The following FGF14 variants were observed in gnomAD, a reference collection of about 807,000 sequenced individuals.
FGF14 encodes fibroblast growth factor homologous factor 4.
FGF14 carries 5 observed loss-of-function variants against 25.5 expected under a neutral mutation model. That is an observed-to-expected ratio of 0.20 (90% CI 0.10 to 0.41). The LOEUF (loss-of-function observed/expected upper bound fraction) is 0.41. FGF14 is among the 10% of genes least tolerant of loss of function. FGF14 has a pLI of 1.00. For synonymous variants in FGF14, 138 were observed against 118.3 expected (o/e 1.17, Z -1.08); for missense variants, 222 against 320.1 (o/e 0.69, Z 2.34).
At chr13:102,207,145 T>C (rs1417910927) in intron 1 of FGF14, among the ~76,000 whole-genome samples, 4 of 151,894 alleles carry the variant, frequency 2.6e-5, no homozygotes, top group Non-Finnish European at 5.9e-5. Flanking sequence ...CCAGGCATGG[T>C]GGCACATGCC....
intron 3 of FGF14, among the ~76,000 whole-genome samples, chr13:101,734,522 TATAA>T (rs1324419109): frequency 6.6e-6 from 1 of 152,214 alleles, no homozygotes; most frequent in Non-Finnish European, 1.5e-5. Flanking sequence ...GCACCAGTGC[TATAA>T]ATATTAGCCA....
At chr13:101,917,168 G>A (rs1194771077), upstream of FGF14, among the ~76,000 whole-genome samples, 2 of 151,584 alleles carry the variant, frequency 1.3e-5, no homozygotes, top group African/African-American at 2.4e-5. Context: ...CCGCGGGCCG[G>A]TGCCGCCGCC....
At chr13:102,012,542 G>A (rs751524350) in intron 1 of FGF14, among the ~76,000 whole-genome samples, 19 of 152,182 alleles carry the variant, frequency 1.2e-4, no homozygotes, top group Non-Finnish European at 2.2e-4. Flanking sequence ...AGACAAACAT[G>A]AGGCAGCTGA....
At chr13:102,188,603 T>C (rs2048965132) in intron 1 of FGF14, among the ~76,000 whole-genome samples, 1 of 152,144 alleles carries the variant, frequency 6.6e-6, no homozygotes, top group Non-Finnish European at 1.5e-5. Context: ...ATTTTTATTA[T>C]AATTACTACT....
chr13:101,908,753 G>A (rs545821075), intron 1 of FGF14, among the ~76,000 whole-genome samples: 7 of 152,160 alleles, frequency 4.6e-5, no homozygotes, highest in East Asian at 1.9e-4. Context: ...TAAAGTTCAT[G>A]TGGAACCAAA....
intron 3 of FGF14, among the ~76,000 whole-genome samples, chr13:101,728,889 T>A (rs1194836142): frequency 6.6e-6 from 1 of 152,128 alleles, no homozygotes. Context: ...TCTCTTCTGA[T>A]CGTCACTGCC....
chr13:102,240,320 A>G (rs976714457), intron 1 of FGF14, among the ~76,000 whole-genome samples: 2 of 152,086 alleles, frequency 1.3e-5, no homozygotes, highest in African/African-American at 4.8e-5. Flanking sequence ...TATCTTTGCT[A>G]CTCCCTGCTC....
At chr13:102,219,996 C>T (rs1455146510) in intron 1 of FGF14, among the ~76,000 whole-genome samples, 1 of 151,888 alleles carries the variant, frequency 6.6e-6, no homozygotes, top group Non-Finnish European at 1.5e-5. Context: ...TGTAATAATT[C>T]CATATAATGT....
intron 1 of FGF14, among the ~76,000 whole-genome samples, chr13:102,055,884 G>A (rs181565538): frequency 6.6e-6 from 1 of 152,284 alleles, no homozygotes; most frequent in East Asian, 1.9e-4. Flanking sequence ...AATCATGGCA[G>A]AAAGTGAAAG....
intron 3 of FGF14, among the ~76,000 whole-genome samples, chr13:101,816,802 C>T (rs2041868961): frequency 6.6e-6 from 1 of 151,976 alleles, no homozygotes; most frequent in African/African-American, 2.4e-5. Context: ...AAAATAAAAC[C>T]ATATGAAAGT....
At chr13:102,008,014 G>A (rs2039895414) in intron 1 of FGF14, among the ~76,000 whole-genome samples, 1 of 152,252 alleles carries the variant, frequency 6.6e-6, no homozygotes, top group Non-Finnish European at 1.5e-5. Context: ...GATGAGACCA[G>A]GCTACAGGTG....
chr13:101,765,835 C>T (rs1294296237), intron 3 of FGF14, among the ~76,000 whole-genome samples: 1 of 152,082 alleles, frequency 6.6e-6, no homozygotes. Flanking sequence ...GTTCAAGCTT[C>T]TCCTGCCCTC....
intron 1 of FGF14, among the ~76,000 whole-genome samples, chr13:101,949,786 T>G (rs1227725986): frequency 6.6e-6 from 1 of 152,180 alleles, no homozygotes; most frequent in Admixed American, 6.5e-5. Flanking sequence ...CTCAATCTCA[T>G]TCATTGTGGC....
chr13:102,032,444 T>C (rs2041257614), intron 1 of FGF14, among the ~76,000 whole-genome samples: 1 of 152,120 alleles, frequency 6.6e-6, no homozygotes, highest in African/African-American at 2.4e-5. Flanking sequence ...AGAACAGCCA[T>C]AGTAGCTGAA....
At chr13:101,777,866 G>A (rs771485313) in intron 3 of FGF14, among the ~76,000 whole-genome samples, 1 of 152,020 alleles carries the variant, frequency 6.6e-6, no homozygotes, top group Non-Finnish European at 1.5e-5. Flanking sequence ...CGGGAGGCTA[G>A]GGTAGGAGAA....
chr13:102,271,777 T>C (rs1052474460), intron 1 of FGF14, among the ~76,000 whole-genome samples: 7 of 152,168 alleles, frequency 4.6e-5, no homozygotes, highest in African/African-American at 1.7e-4. Context: ...GTAGACAGCA[T>C]GGCACAAAAA....
At chr13:102,353,579 C>T (rs1218427619) in intron 1 of FGF14, among the ~76,000 whole-genome samples, 1 of 152,220 alleles carries the variant, frequency 6.6e-6, no homozygotes, top group Non-Finnish European at 1.5e-5. Flanking sequence ...TTCCTTTTCA[C>T]ACCTCCAGTC....
intron 3 of FGF14, among the ~76,000 whole-genome samples, chr13:101,854,892 C>T (rs902180689): frequency 2.0e-5 from 3 of 151,920 alleles, no homozygotes; most frequent in African/African-American, 7.2e-5. Context: ...TTTTCATAGC[C>T]TCCACAAATG....
chr13:102,122,477 C>G (rs1395891199), intron 1 of FGF14, among the ~76,000 whole-genome samples: 12 of 152,110 alleles, frequency 7.9e-5, no homozygotes, highest in African/African-American at 2.2e-4. Context: ...ATTATGACAG[C>G]GGGAGTAGCT....
Sources: gnomAD v4.1 joint callset for allele counts (sites outside exome capture counted in the v4.1 genomes callset) on GRCh38, gnomAD v4.1.1 for gene constraint, MANE v1.5 for transcripts, NCBI Gene and HGNC (gene_info 2026-07-23, HGNC 2026-07-21) for gene names.